The following WDR35 variants were observed in gnomAD, a reference collection of about 807,000 sequenced individuals.
The protein encoded by WDR35 is WD repeat domain 35.
Under a neutral mutation model 158.3 loss-of-function variants are expected in WDR35, and 118 were observed. The ratio of observed to expected loss-of-function variants is 0.75; its 90% CI spans 0.64 to 0.87. WDR35 has a LOEUF of 0.87. Among genes scored for constraint, WDR35 ranks in the 40% least tolerant of loss-of-function variants. The pLI is 0.00. For missense variants in WDR35, 1,263 were observed against 1,405.8 expected (o/e 0.90, Z 1.62); for synonymous variants, 448 against 476.1 (o/e 0.94, Z 0.77).
At chr2:19,923,566 TCCTTCTGCACC>T (rs1471727709) in intron 25 of WDR35, among the ~76,000 whole-genome samples, 1 of 152,190 alleles carries the variant, frequency 6.6e-6, no homozygotes, top group Non-Finnish European at 1.5e-5. Flanking sequence ...TTCATCCCTA[TCCTTCTGCACC>T]CCCTCATTAT....
intron 26 of WDR35, 75 bp downstream of exon 26, chr2:19,913,962 C>T (rs1191902761): frequency 3.1e-6 from 5 of 1,597,224 alleles, no homozygotes; most frequent in East Asian, 2.2e-5. Flanking sequence ...TTAATTCCTA[C>T]ATTAAACATT....
chr2:19,973,817 A>T, intron 7 of WDR35, 109 bp from the exon 8 acceptor site: 1 of 1,461,978 alleles, frequency 6.8e-7, no homozygotes, highest in Non-Finnish European at 9.3e-7. Flanking sequence ...CACATTTTTA[A>T]AAAAACAGGG....
chr2:19,936,396 A>G, intron 19 of WDR35, 31 bp from the exon 20 acceptor site: 1 of 1,613,618 alleles, frequency 6.2e-7, no homozygotes, highest in Non-Finnish European at 8.5e-7. Context: ...TCATTCATTC[A>G]TCTATTTGAC....
chr2:19,928,263 C>A (rs376040040), intron 25 of WDR35, among the ~76,000 whole-genome samples: 6 of 152,356 alleles, frequency 3.9e-5, no homozygotes, highest in South Asian at 2.1e-4. Context: ...CAGACCCATC[C>A]CTTTATTTCA....
At chr2:19,958,721 T>A (rs1330786326) in intron 11 of WDR35, among the ~76,000 whole-genome samples, 2 of 152,092 alleles carry the variant, frequency 1.3e-5, no homozygotes, top group African/African-American at 4.8e-5. Flanking sequence ...CAAAGTCTAG[T>A]GGGGAAGATA....
rs781307450 is a variant in WDR35, at chr2:19,946,469, G to C, written c.1626C>G (p.Cys542Trp). ...NCRAYQLSLN[C>W]NSSRLAIIDI... ...AGAGTTTTCAGGCTTACCTAGAGTT[G>C]CAATTCAAGGATAACTGGTAGGCTC... Residue 542 changes from cysteine to tryptophan, a missense_variant, in exon 15 of 27, where the codon TGC becomes TGG. Coordinates refer to ENST00000281405, the MANE Select transcript of WDR35 (RefSeq NM_020779.4). 21 of 1,612,950 alleles carry C rather than the reference G, an allele frequency of 1.3e-5. No homozygotes were observed. Among genetic ancestry groups the C allele is most frequent in the Non-Finnish European group, 1.8e-5 (21 of 1,179,292 alleles).
chr2:19,938,597 C>T (rs1307770420), intron 17 of WDR35, among the ~76,000 whole-genome samples, 196 bp from the exon 18 acceptor site: 1 of 152,046 alleles, frequency 6.6e-6, no homozygotes, highest in Non-Finnish European at 1.5e-5. Context: ...AAGTAAGTAC[C>T]TCTGAGGCAA....
At chr2:19,959,415 TGA>T (rs1424661077) in intron 11 of WDR35, among the ~76,000 whole-genome samples, 4 of 152,164 alleles carry the variant, frequency 2.6e-5, no homozygotes, top group Admixed American at 2.6e-4. Flanking sequence ...ATTTATGTGA[TGA>T]GAGTCTGTTA....
At chr2:19,914,702 A>G (rs555065417) in intron 25 of WDR35, among the ~76,000 whole-genome samples, 6 of 152,314 alleles carry the variant, frequency 3.9e-5, no homozygotes, top group African/African-American at 9.6e-5. Context: ...AAAACAATAT[A>G]AGCAAAACAG....
At chr2:19,937,218 G>A (rs1670723862) in intron 19 of WDR35, among the ~76,000 whole-genome samples, 1 of 152,214 alleles carries the variant, frequency 6.6e-6, no homozygotes, top group South Asian at 2.1e-4. Context: ...CATAGCAGCT[G>A]CCTGGGTTTG....
intron 8 of WDR35, among the ~76,000 whole-genome samples, chr2:19,972,255 T>C (rs986319155): frequency 1.3e-5 from 2 of 152,234 alleles, no homozygotes; most frequent in African/African-American, 4.8e-5. Flanking sequence ...AAATACTGAC[T>C]ACTATGACCT....
chr2:19,974,505 A>G lies in WDR35; in HGVS notation c.699T>C (p.Asn233=), dbSNP rs764618231. ...CATGTCTCATTATTTGGCATCTTCC[A>G]TTATCAAAGCAAACAGCAAGGCAAG... ...DCPCLAVCFD[N]GRCQIMRHEN... The change falls in exon 7 of 27, where the codon AAT becomes AAC. Residue 233 remains asparagine (N), a synonymous_variant. Transcript: ENST00000281405. 3 of 1,611,870 alleles carry G rather than the reference A, an allele frequency of 1.9e-6. No homozygotes were observed. The East Asian group carries it at 6.7e-5, about 36-fold the overall frequency.
At chr2:19,963,905 G>C (rs1243895412) in intron 10 of WDR35, among the ~76,000 whole-genome samples, 1 of 151,978 alleles carries the variant, frequency 6.6e-6, no homozygotes, top group East Asian at 1.9e-4. Context: ...CACCACACCT[G>C]GCTAATTTTT....
At chr2:19,920,949 G>T (rs1374185818) in intron 25 of WDR35, among the ~76,000 whole-genome samples, 1 of 152,182 alleles carries the variant, frequency 6.6e-6, no homozygotes, top group Admixed American at 6.5e-5. Flanking sequence ...GCCAAACAGA[G>T]AGCCAAATCG....
chr2:19,938,854 C>T (rs1372981468), intron 17 of WDR35, among the ~76,000 whole-genome samples: 1 of 152,164 alleles, frequency 6.6e-6, no homozygotes, highest in Non-Finnish European at 1.5e-5. Flanking sequence ...AATCACAGCA[C>T]CCCTAACTCT....
chr2:19,918,809 C>T (rs1414309937), intron 25 of WDR35, among the ~76,000 whole-genome samples: 1 of 152,170 alleles, frequency 6.6e-6, no homozygotes, highest in Non-Finnish European at 1.5e-5. Context: ...GAGACTTCAA[C>T]ACCCCGTTGT....
rs751738514 is a variant in WDR35, at chr2:19,989,216, A to G, written c.91T>C (p.Cys31Arg). ...SWNKEQGFIA[C>R]GGEDGLLKVL... Reference sequence around the variant, plus strand: ...TTCAGTAATCCATCTTCACCACCGCATGCTATGAACCCTTGTTCCTTGTTC... The same window carrying G: ...TTCAGTAATCCATCTTCACCACCGCGTGCTATGAACCCTTGTTCCTTGTTC... The change falls in exon 2 of 27, where the codon TGC (cysteine) becomes CGC (arginine). Residue 31 changes from cysteine to arginine, a missense_variant. By Grantham distance (180) the Cys-to-Arg change is radical. Transcript: ENST00000281405. The G allele has an allele frequency of 1.2e-6, 2 of 1,614,194 alleles. No individual in the cohort carries two copies. The highest frequency in any genetic ancestry group is 1.7e-6 in the Non-Finnish European group (2 of 1,180,042).
intron 25 of WDR35, among the ~76,000 whole-genome samples, chr2:19,917,111 G>A (rs1257269789): frequency 1.3e-5 from 2 of 152,142 alleles, no homozygotes; most frequent in African/African-American, 2.4e-5. Context: ...GGTCTGGAGC[G>A]GACCTCCAGC....
rs182713337 is a variant in WDR35, at chr2:19,975,235, G to A, written c.570+295C>T. On this transcript the variant is annotated intron_variant, in intron 6 of 26. Coordinates refer to ENST00000281405, the MANE Select transcript of WDR35 (RefSeq NM_020779.4). ...ACCTATAAAACTTAAACTGCACATCGCCCTACTCATTATCTCTCTGCTTAA... is the reference window on the plus strand; with the variant it reads ...ACCTATAAAACTTAAACTGCACATCACCCTACTCATTATCTCTCTGCTTAA... Among the ~76,000 whole-genome samples the A allele has an allele frequency of 5.3e-4, 80 of 152,164 alleles. 2 individuals carry two copies. Among genetic ancestry groups the A allele is most frequent in the Non-Finnish European group, 4.4e-5 (3 of 68,016 alleles).
Sources: gnomAD v4.1 joint callset for allele counts (sites outside exome capture counted in the v4.1 genomes callset) on GRCh38, gnomAD v4.1.1 for gene constraint, MANE v1.5 for transcripts, NCBI Gene and HGNC (gene_info 2026-07-23, HGNC 2026-07-21) for gene names.